Variants in FUT8 observed in about 807,000 individuals in gnomAD.
The protein encoded by FUT8 is fucosyltransferase 8.
FUT8 carries 29 observed loss-of-function variants against 71.3 expected under a neutral mutation model. That is an observed-to-expected ratio of 0.41 (90% CI 0.30 to 0.55). FUT8 has a LOEUF of 0.55. Ranked by LOEUF, FUT8 falls within the 20% of genes least tolerant of loss-of-function variation. The pLI is 0.34. For synonymous variants in FUT8, 254 were observed against 239.3 expected (o/e 1.06, Z -0.57); for missense variants, 544 against 702.1 (o/e 0.77, Z 2.55).
chr14:65,376,010 G>C, the FUT8 span, among the ~76,000 whole-genome samples: 1 of 151,370 alleles, frequency 6.6e-6, no homozygotes, highest in Non-Finnish European at 1.5e-5. Context: ...AGAATCGCTT[G>C]ATCCAGGGAG....
intron 3 of FUT8, among the ~76,000 whole-genome samples, chr14:65,609,774 A>C (rs1239929223): frequency 6.6e-6 from 1 of 151,982 alleles, no homozygotes; most frequent in Admixed American, 6.6e-5. Flanking sequence ...ATAGGTCTTA[A>C]TATCAGATGG....
chr14:65,681,972 A>G (rs1364280477), intron 7 of FUT8, among the ~76,000 whole-genome samples: 1 of 152,076 alleles, frequency 6.6e-6, no homozygotes, highest in Non-Finnish European at 1.5e-5. Context: ...GGCCTGCCAT[A>G]TTTTCAACAG....
At chr14:65,688,549 A>AGG (rs1893417457) in intron 7 of FUT8, among the ~76,000 whole-genome samples, 1 of 145,112 alleles carries the variant, frequency 6.9e-6, no homozygotes, top group African/African-American at 2.6e-5. Context: ...AAAAAAAGGC[A>AGG]GGGGAGTTGG....
chr14:65,727,717 G>A (rs927931382), intron 9 of FUT8, among the ~76,000 whole-genome samples: 1 of 152,138 alleles, frequency 6.6e-6, no homozygotes, highest in African/African-American at 2.4e-5. Flanking sequence ...ACTTACACAA[G>A]TTTTCTGCAG....
chr14:65,742,630 A>G lies in FUT8; in HGVS notation c.*220A>G. ...ATGCCCTCATACCCATGCACAGTAC[A>G]ATAATGTACTCACATATAACATGCA... On this transcript the variant is annotated 3_prime_UTR_variant, in exon 11 of 11. Transcript: ENST00000673929. 2.0e-6 allele frequency: 1 copy of G among 510,020 alleles called. No homozygotes were observed. 31.6% of individuals were successfully genotyped at this position (510,020 alleles called of 1,614,324 possible).
Position 65,733,211 on chromosome 14 carries a change from A to G in FUT8, c.1260-20A>G. 2.0e-6 allele frequency: 3 copies of G among 1,515,200 alleles called. No individual in the cohort carries two copies. The highest frequency in any genetic ancestry group is 2.7e-6 in the Non-Finnish European group (3 of 1,101,688). The allele number at this position is 1,515,200 out of a possible 1,614,324, so 93.9% of individuals were successfully genotyped here. On this transcript the variant is annotated intron_variant, in intron 9 of 10. Transcript: ENST00000673929. The stretch of plus-strand genomic sequence containing the variant: ...TACTGTGATATCTATGACCATCTAT[A>G]AATTAATTTATTTTTTCAGGTACCC...
chr14:65,515,060 T>TAAAA (rs1882618787), intron 2 of FUT8, among the ~76,000 whole-genome samples: 2 of 152,214 alleles, frequency 1.3e-5, no homozygotes, highest in Non-Finnish European at 2.9e-5. Flanking sequence ...CCAAACCTCA[T>TAAAA]TTTTCTCTAA....
chr14:65,644,335 G>T (rs1891015553), intron 6 of FUT8, among the ~76,000 whole-genome samples: 1 of 151,858 alleles, frequency 6.6e-6, no homozygotes. Context: ...CTGTCACCCA[G>T]GCTGGAGTGT....
In FUT8 at chr14:65,439,835, A is replaced by C. The variant is rs555677840; in HGVS notation, c.-325-15786A>C. On this transcript the variant is annotated intron_variant, in intron 1 of 10. Transcript: ENST00000673929. Reference sequence around the variant, plus strand: ...GTTCTGCTCGTGGATCTCTTTACAAATAGAAAATTATCTTATCTCTTATGT... The same window carrying C: ...GTTCTGCTCGTGGATCTCTTTACAACTAGAAAATTATCTTATCTCTTATGT... 9.2e-5 allele frequency among the ~76,000 whole-genome samples: 14 copies of C among 151,692 alleles called. No homozygotes were observed. The East Asian group carries it at 2.3e-3, about 25-fold the overall frequency.
intron 3 of FUT8, among the ~76,000 whole-genome samples, chr14:65,602,845 C>G (rs1272375722): frequency 6.6e-6 from 1 of 151,814 alleles, no homozygotes; most frequent in Admixed American, 6.6e-5. Context: ...TATTCATGTC[C>G]TTAGCCCACT....
At chr14:65,681,689 G>A (rs1024560960) in intron 7 of FUT8, among the ~76,000 whole-genome samples, 1 of 152,148 alleles carries the variant, frequency 6.6e-6, no homozygotes. Context: ...TGAATATACT[G>A]AGTACTGCTC....
the FUT8 span, among the ~76,000 whole-genome samples, chr14:65,368,791 GGATTACAGGCAT>G: frequency 6.6e-6 from 1 of 152,008 alleles, no homozygotes; most frequent in Non-Finnish European, 1.5e-5. Flanking sequence ...CAAAGTGCTG[GGATTACAGGCAT>G]GAGCCACCGC....
At chr14:65,605,199 A>T (rs1273831373) in intron 3 of FUT8, among the ~76,000 whole-genome samples, 1 of 151,962 alleles carries the variant, frequency 6.6e-6, no homozygotes, top group African/African-American at 2.4e-5. Context: ...AGAAGGATAC[A>T]TTCTCAGTCT....
At chr14:65,366,483 T>G in the FUT8 span, among the ~76,000 whole-genome samples, 1 of 152,196 alleles carries the variant, frequency 6.6e-6, no homozygotes, top group Non-Finnish European at 1.5e-5. Context: ...TCCTGTCTTA[T>G]GCTTTGATCA....
At position 65,585,768 on chromosome 14, in the gene FUT8, T is replaced by G. The variant is rs1887348627; in HGVS notation, c.203+24002T>G. On this transcript the variant is annotated intron_variant, in intron 3 of 10. Transcript: ENST00000673929. ...TAGTTTCCTTCGGAAATATTGGCGT[T>G]TGATTTCCTCAAAGCTGACACAACT... Among the ~76,000 whole-genome samples the G allele has an allele frequency of 2.0e-5, 3 of 152,264 alleles. No homozygotes were observed. The South Asian group carries it at 6.2e-4, about 32-fold the overall frequency.
chr14:65,729,456 T>G, intron 9 of FUT8, among the ~76,000 whole-genome samples: 2 of 152,226 alleles, frequency 1.3e-5, no homozygotes, highest in Middle Eastern at 3.4e-3. Flanking sequence ...GACGTATGCC[T>G]AAAATTATCC....
intron 7 of FUT8, among the ~76,000 whole-genome samples, chr14:65,692,242 A>T (rs1354472138): frequency 7.5e-6 from 1 of 132,672 alleles, no homozygotes; most frequent in African/African-American, 2.9e-5. Context: ...TGACCCCCCC[A>T]CCTCCCTCCC....
the FUT8 span, among the ~76,000 whole-genome samples, chr14:65,360,620 A>C: frequency 6.6e-6 from 1 of 152,236 alleles, no homozygotes; most frequent in African/African-American, 2.4e-5. Context: ...GATAATGAGG[A>C]GATGGGGATC....
At chr14:65,569,667 T>G (rs1886375956) in intron 3 of FUT8, among the ~76,000 whole-genome samples, 2 of 151,988 alleles carry the variant, frequency 1.3e-5, no homozygotes, top group Admixed American at 1.3e-4. Flanking sequence ...TTTCTCCTAA[T>G]TTCTATTTCA....
Sources: gnomAD v4.1 joint callset for allele counts (sites outside exome capture counted in the v4.1 genomes callset) on GRCh38, gnomAD v4.1.1 for gene constraint, MANE v1.5 for transcripts, NCBI Gene and HGNC (gene_info 2026-07-23, HGNC 2026-07-21) for gene names.